Variants in TM9SF2 observed in about 807,000 individuals in gnomAD.
TM9SF2 encodes 76 kDa membrane protein.
A neutral mutation model predicts 84.9 loss-of-function variants in TM9SF2; 13 were observed. That is an observed-to-expected ratio of 0.15 (90% CI 0.10 to 0.24). TM9SF2 has a LOEUF of 0.24. Among genes scored for constraint, TM9SF2 ranks in the 10% least tolerant of loss-of-function variants. TM9SF2 has a pLI of 1.00. For missense variants in TM9SF2, 562 were observed against 818.5 expected, an observed-to-expected ratio of 0.69 and a Z score of 3.82; for synonymous variants, 273 against 285.8, an observed-to-expected ratio of 0.96 and a Z score of 0.45.
At chr13:99,559,961 T>C (rs577102304) in intron 16 of TM9SF2, among the ~76,000 whole-genome samples, 3 of 152,156 alleles carry the variant, frequency 2.0e-5, no homozygotes, top group African/African-American at 7.2e-5. Context: ...GGAAAGATAA[T>C]GGGACATTCC....
chr13:99,545,261 A>G (rs994411931), intron 10 of TM9SF2, among the ~76,000 whole-genome samples: 33 of 152,322 alleles, frequency 2.2e-4, no homozygotes, highest in Admixed American at 3.9e-4. Flanking sequence ...TATCATTTTC[A>G]AATGTCTGGC....
At chr13:99,555,161 C>G (rs1300000950) in intron 14 of TM9SF2, among the ~76,000 whole-genome samples, 1 of 152,216 alleles carries the variant, frequency 6.6e-6, no homozygotes, top group African/African-American at 2.4e-5. Context: ...AATCGTTATA[C>G]TAATTTTCCA....
At chr13:99,531,597 G>A (rs1290393245) in intron 4 of TM9SF2, among the ~76,000 whole-genome samples, 1 of 152,164 alleles carries the variant, frequency 6.6e-6, no homozygotes, top group Non-Finnish European at 1.5e-5. Flanking sequence ...CCAGACCTGG[G>A]TAACATCTAC....
At chr13:99,521,667 G>T (rs9585111) in intron 3 of TM9SF2, among the ~76,000 whole-genome samples, 3,772 of 152,154 alleles carry the variant, frequency 0.025, 161 homozygotes, top group African/African-American at 0.086. Context: ...AAGTTGATTG[G>T]TTTTGACTGT....
intron 5 of TM9SF2, 116 bp downstream of exon 5, chr13:99,536,853 T>TAATTAA: frequency 7.0e-6 from 8 of 1,147,998 alleles, no homozygotes. Flanking sequence ...TCAGATGTTC[T>TAATTAA]GAAGTACAAC....
chr13:99,508,176 C>T (rs2046096310), intron 1 of TM9SF2, among the ~76,000 whole-genome samples: 1 of 152,106 alleles, frequency 6.6e-6, no homozygotes, highest in Admixed American at 6.5e-5. Context: ...CTGCAACTTC[C>T]TTAAAATGTT....
intron 11 of TM9SF2, 47 bp from the exon 12 acceptor site, chr13:99,549,118 G>A (rs41280150): frequency 0.04 from 62,427 of 1,543,686 alleles, 1,504 homozygotes; most frequent in Middle Eastern, 0.13. Flanking sequence ...TATTTGGTTT[G>A]CTTTAAAGAA....
chr13:99,520,475 C>G (rs1003679211), intron 3 of TM9SF2, among the ~76,000 whole-genome samples: 2 of 152,176 alleles, frequency 1.3e-5, no homozygotes, highest in African/African-American at 4.8e-5. Flanking sequence ...TGCTCTGTGT[C>G]TCTTTCCCCC....
intron 4 of TM9SF2, among the ~76,000 whole-genome samples, chr13:99,530,566 A>AC (rs1400137872): frequency 2.0e-5 from 3 of 152,270 alleles, no homozygotes; most frequent in Non-Finnish European, 4.4e-5. Context: ...TGAATAGTTA[A>AC]CAGTAGCATA....
rs1199075729 is a variant in TM9SF2, at chr13:99,559,491, T to C, written c.1881T>C (p.Phe627=). The change falls in exon 16 of 17, where the codon TTT becomes TTC. Residue 627 remains phenylalanine, a synonymous_variant. Transcript: ENST00000376387. ...ITGTASTILY[F]GYTMIMVLIF... is the part of the protein sequence containing the mutation. ...GAACAGCAAGCACAATTCTGTACTT[T>C]GGTTATACCATGATAATGGTTTTGA... The C allele has an allele frequency of 3.7e-6, 6 of 1,613,492 alleles. No individual in the cohort carries two copies. The highest frequency in any genetic ancestry group is 5.1e-6 in the Non-Finnish European group (6 of 1,179,794).
chr13:99,555,557 G>A lies in TM9SF2; in HGVS notation c.1662G>A (p.Met554Ile). 6.2e-7 allele frequency: 1 copy of A among 1,613,670 alleles called. No individual in the cohort carries two copies. The highest frequency in any genetic ancestry group is 8.5e-7 in the Non-Finnish European group (1 of 1,179,692). Residue 554 changes from methionine to isoleucine, a missense_variant, in exon 15 of 17, where the codon ATG becomes ATA. Around this residue, in one of 4 missense-constraint regions of TM9SF2, gnomAD observed 13 missense variants for 54.6 expected, o/e 0.24. Transcript: ENST00000376387. ...ATAGGTCACACCAGATGTATTACAT[G>A]TTTGGCTTCCTATTTCTGGTGTTTA... ...NSIWSHQMYY[M>I]FGFLFLVFII...
At chr13:99,509,586 T>C (rs539711030) in intron 1 of TM9SF2, among the ~76,000 whole-genome samples, 2 of 152,326 alleles carry the variant, frequency 1.3e-5, no homozygotes, top group Middle Eastern at 3.4e-3. Context: ...CTCAGCCTCT[T>C]TGAGCCATGG....
rs371691069 is a variant in TM9SF2, at chr13:99,545,923, C to T, written c.1151-1062C>T. Among the ~76,000 whole-genome samples the T allele has an allele frequency of 2.0e-5, 3 of 152,112 alleles. No homozygotes were observed. The East Asian group carries it at 5.8e-4, about 29-fold the overall frequency. On this transcript the variant is annotated intron_variant, in intron 10 of 16. Coordinates refer to ENST00000376387, the MANE Select transcript of TM9SF2 (RefSeq NM_004800.3). ...TTCTGCGATGCTCTGGTTTTTATTG[C>T]GGTCAGCTAGAAAAGTGAACTTTTA...
At chr13:99,548,522 T>G (rs898138527) in intron 11 of TM9SF2, among the ~76,000 whole-genome samples, 1 of 152,214 alleles carries the variant, frequency 6.6e-6, no homozygotes, top group Non-Finnish European at 1.5e-5. Context: ...GGAGCAGACG[T>G]GTACTTTCAT....
chr13:99,508,492 AT>A (rs534427518), intron 1 of TM9SF2, among the ~76,000 whole-genome samples: 6 of 147,830 alleles, frequency 4.1e-5, no homozygotes, highest in Admixed American at 6.8e-5. Flanking sequence ...AAGTGCTGTC[AT>A]TTTTTTTTTA....
intron 1 of TM9SF2, among the ~76,000 whole-genome samples, chr13:99,517,058 A>G (rs2046137809): frequency 6.6e-6 from 1 of 152,206 alleles, no homozygotes; most frequent in Non-Finnish European, 1.5e-5. Flanking sequence ...GAAAGCATTT[A>G]AAAACTATTG....
At chr13:99,514,856 A>G (rs2046127486) in intron 1 of TM9SF2, among the ~76,000 whole-genome samples, 1 of 152,246 alleles carries the variant, frequency 6.6e-6, no homozygotes, top group African/African-American at 2.4e-5. Context: ...GCTATGTAAT[A>G]GTAAATACGG....
At position 99,560,973 on chromosome 13, in the gene TM9SF2, G is replaced by A. The variant is rs140258564; in HGVS notation, c.1924+1439G>A. Among the ~76,000 whole-genome samples the A allele has an allele frequency of 1.9e-4, 29 of 152,328 alleles. No homozygotes were observed. The East Asian group carries it at 1.9e-3, about 10-fold the overall frequency. On this transcript the variant is annotated intron_variant, in intron 16 of 16. Transcript: ENST00000376387. ...GCTCGGATTGGGCGTGAGCCACTGC[G>A]CCCAGCTGATTTTGTTTTTTAAAGT...
chr13:99,526,206 G>A (rs932228204), intron 3 of TM9SF2, among the ~76,000 whole-genome samples: 5 of 152,214 alleles, frequency 3.3e-5, no homozygotes, highest in African/African-American at 1.2e-4. Context: ...GTGTGGAGCG[G>A]CTGCTAGGCT....
Sources: gnomAD v4.1 joint callset for allele counts (sites outside exome capture counted in the v4.1 genomes callset) on GRCh38, gnomAD v4.1.1 for gene constraint, gnomAD v4.1.1 regional missense constraint, MANE v1.5 for transcripts, NCBI Gene and HGNC (gene_info 2026-07-23, HGNC 2026-07-21) for gene names.